Variants in NHERF1 observed in about 807,000 individuals in gnomAD.
The protein encoded by NHERF1 is NHERF family PDZ scaffold protein 1.
At chr17:74,766,183 GT>G in the NHERF1 span, among the ~76,000 whole-genome samples, 8 of 151,218 alleles carry the variant, frequency 5.3e-5, no homozygotes, top group African/African-American at 1.7e-4. Context: ...TTTTTGGTTT[GT>G]TTTTTTTGTT....
the NHERF1 span, among the ~76,000 whole-genome samples, chr17:74,750,753 C>A: frequency 6.6e-6 from 1 of 150,424 alleles, no homozygotes; most frequent in African/African-American, 2.4e-5. Context: ...ACTTTGGCAC[C>A]CACACAAATA....
At chr17:74,768,822 A>G in the NHERF1 span, 6 of 648,448 alleles carry the variant, frequency 9.3e-6, no homozygotes, top group East Asian at 1.4e-4. Context: ...GACTTTAGGG[A>G]AGGTGAATGT....
chr17:74,758,169 A>G, the NHERF1 span, among the ~76,000 whole-genome samples: 1 of 152,222 alleles, frequency 6.6e-6, no homozygotes, highest in Non-Finnish European at 1.5e-5. The surrounding 1 kb of genome is among the most constrained non-coding windows in gnomAD (Gnocchi z 4.3). Flanking sequence ...GGATTAGGGT[A>G]TCGACTTTCC....
the NHERF1 span, among the ~76,000 whole-genome samples, chr17:74,755,370 A>G: frequency 1.3e-5 from 2 of 151,354 alleles, no homozygotes; most frequent in African/African-American, 4.9e-5. Context: ...CCCCGCCCTC[A>G]CTCCCCAGAA....
chr17:74,763,928 G>C, the NHERF1 span, among the ~76,000 whole-genome samples: 1 of 152,240 alleles, frequency 6.6e-6, no homozygotes, highest in Non-Finnish European at 1.5e-5. Flanking sequence ...TCAGAGTCCA[G>C]TGACGGGGGC....
the NHERF1 span, among the ~76,000 whole-genome samples, chr17:74,761,336 G>C: frequency 6.6e-6 from 1 of 152,186 alleles, no homozygotes; most frequent in Non-Finnish European, 1.5e-5. This position sits in a 1 kb window ranked among gnomAD's most constrained non-coding sequence, Gnocchi z 4.3. Context: ...GGAGGTCCTG[G>C]AACGCCTGAG....
At chr17:74,763,134 G>A in the NHERF1 span, 1 of 502,826 alleles carries the variant, frequency 2.0e-6, no homozygotes, top group East Asian at 3.2e-5. Flanking sequence ...AGTCTCGTCT[G>A]GATATTTTCG....
the NHERF1 span, among the ~76,000 whole-genome samples, chr17:74,749,733 C>T: frequency 6.6e-6 from 1 of 152,358 alleles, no homozygotes; most frequent in East Asian, 1.9e-4. This position sits in a 1 kb window ranked among gnomAD's most constrained non-coding sequence, Gnocchi z 5.6. Context: ...GCCCGCCACT[C>T]CTACTTCAAA....
chr17:74,751,111 C>T, the NHERF1 span, among the ~76,000 whole-genome samples: 1 of 152,154 alleles, frequency 6.6e-6, no homozygotes, highest in South Asian at 2.1e-4. This position sits in a 1 kb window ranked among gnomAD's most constrained non-coding sequence, Gnocchi z 4.3. Flanking sequence ...CCTGCCTTCT[C>T]TAGAATTATA....
chr17:74,768,250 G>T, the NHERF1 span: 3 of 1,592,802 alleles, frequency 1.9e-6, no homozygotes, highest in African/African-American at 4.0e-5. Context: ...GGCCAGCCAT[G>T]CGGGGGGTGG....
At chr17:74,763,169 T>A in the NHERF1 span, 3 of 553,486 alleles carry the variant, frequency 5.4e-6, no homozygotes, top group African/African-American at 5.7e-5. Context: ...GTATCCTGCC[T>A]CCCCAGCTGA....
the NHERF1 span, chr17:74,762,155 C>G: frequency 6.2e-7 from 1 of 1,614,086 alleles, no homozygotes. This position sits in a 1 kb window ranked among gnomAD's most constrained non-coding sequence, Gnocchi z 4.2. Context: ...GGCTCCGGGC[C>G]CAGGATCGCA....
chr17:74,753,969 G>T, the NHERF1 span, among the ~76,000 whole-genome samples: 1 of 152,130 alleles, frequency 6.6e-6, no homozygotes, highest in Non-Finnish European at 1.5e-5. Flanking sequence ...TTCAAGACCA[G>T]CCTGGCCAAC....
chr17:74,758,252 G>T, the NHERF1 span, among the ~76,000 whole-genome samples: 1 of 152,250 alleles, frequency 6.6e-6, no homozygotes, highest in Non-Finnish European at 1.5e-5. The surrounding 1 kb of genome is among the most constrained non-coding windows in gnomAD (Gnocchi z 4.3). Context: ...GACTGCGTGG[G>T]TGGAGGTGAT....
the NHERF1 span, among the ~76,000 whole-genome samples, chr17:74,765,705 C>T: frequency 0.012 from 1,773 of 152,162 alleles, 34 homozygotes; most frequent in African/African-American, 0.04. Context: ...GCGCCTGCCA[C>T]CATGCCCGGC....
the NHERF1 span, chr17:74,767,052 G>C: frequency 1.4e-6 from 2 of 1,420,488 alleles, no homozygotes; most frequent in Non-Finnish European, 2.0e-6. Flanking sequence ...GCTGTGGTTG[G>C]TAGGATAGCC....
the NHERF1 span, among the ~76,000 whole-genome samples, chr17:74,756,968 T>C: frequency 1.3e-5 from 2 of 152,138 alleles, no homozygotes; most frequent in Non-Finnish European, 2.9e-5. Context: ...TAGAGACTTC[T>C]GGGAGGAGGG....
chr17:74,757,708 A>G, the NHERF1 span, among the ~76,000 whole-genome samples: 1 of 152,136 alleles, frequency 6.6e-6, no homozygotes, highest in Non-Finnish European at 1.5e-5. Context: ...CCCAGAGCAA[A>G]TATGGCTCTT....
At chr17:74,752,502 G>GTTTTT in the NHERF1 span, among the ~76,000 whole-genome samples, 1 of 150,994 alleles carries the variant, frequency 6.6e-6, no homozygotes, top group African/African-American at 2.5e-5. Flanking sequence ...TTTTGTTTTT[G>GTTTTT]TTTTTGTTTT....
Sources: gnomAD v4.1 joint callset for allele counts (sites outside exome capture counted in the v4.1 genomes callset) on GRCh38, gnomAD v4.1.1 for gene constraint, Gnocchi (gnomAD v3.1) non-coding constraint, MANE v1.5 for transcripts, NCBI Gene and HGNC (gene_info 2026-07-23, HGNC 2026-07-21) for gene names.